The following ANKRD6 variants were observed in gnomAD, a reference collection of about 807,000 sequenced individuals.
ANKRD6 encodes the protein ankyrin repeat domain-containing protein 6.
In ANKRD6, 56 loss-of-function variants were observed where a neutral mutation model predicts 82.3. The observed-to-expected ratio is 0.68, with a 90% CI of 0.55 to 0.85. The LOEUF is 0.85. ANKRD6 is among the 40% of genes least tolerant of loss of function. ANKRD6 has a pLI of 0.00. For missense variants in ANKRD6, 852 were observed against 907.6 expected (o/e 0.94, Z 0.79); for synonymous variants, 347 against 352.1 (o/e 0.99, Z 0.16).
At chr6:89,619,698 C>T (rs1802515381) in intron 9 of ANKRD6, 1 of 152,190 alleles carries the variant, frequency 6.6e-6, no homozygotes, top group Non-Finnish European at 1.5e-5. Context: ...AAACAAGGAA[C>T]TTTAGGCATA....
chr6:89,596,593 A>G (rs1795975637), intron 3 of ANKRD6, among the ~76,000 whole-genome samples: 1 of 152,170 alleles, frequency 6.6e-6, no homozygotes, highest in African/African-American at 2.4e-5. Flanking sequence ...GCTATTATTG[A>G]GACATGGCCA....
At chr6:89,615,830 A>G (rs1018114561) in intron 7 of ANKRD6, among the ~76,000 whole-genome samples, 2 of 152,226 alleles carry the variant, frequency 1.3e-5, no homozygotes, top group African/African-American at 4.8e-5. Context: ...CAGCATTTGC[A>G]TTTGGAATTG....
chr6:89,436,726 C>T (rs1173959052), intron 1 of ANKRD6, among the ~76,000 whole-genome samples: 1 of 152,144 alleles, frequency 6.6e-6, no homozygotes, highest in African/African-American at 2.4e-5. Context: ...AATATTATTT[C>T]AAAATAAAGT....
chr6:89,624,740 A>G (rs762955578), intron 13 of ANKRD6, 49 bp downstream of exon 13: 23 of 1,569,494 alleles, frequency 1.5e-5, no homozygotes, highest in Non-Finnish European at 2.0e-5. Context: ...CTGGCAGAAC[A>G]TGAACTCAGG....
At chr6:89,538,666 G>T (rs948724934) in intron 1 of ANKRD6, among the ~76,000 whole-genome samples, 1 of 152,112 alleles carries the variant, frequency 6.6e-6, no homozygotes, top group South Asian at 2.1e-4. Context: ...TAAGTGGAAG[G>T]TGATCATAAA....
chr6:89,613,776 T>C lies in ANKRD6; in HGVS notation c.517-16T>C. 1 of 1,612,558 alleles carries C rather than the reference T, an allele frequency of 6.2e-7. No individual in the cohort carries two copies. ...AACTGCTCAGATTGTGCTTAGAGTT[T>C]GATTTTTGTCCGCAGGCAGGAGACA... On this transcript the variant is annotated splice_polypyrimidine_tract_variant and intron_variant, in intron 6 of 15. Coordinates refer to ENST00000339746, the MANE Select transcript of ANKRD6 (RefSeq NM_001242809.2).
chr6:89,506,553 G>A lies in ANKRD6; in HGVS notation c.-143-60281G>A, dbSNP rs149908983. ...TGCTCTTGAACTCCTGACGTCAAGC[G>A]ATCCGCCCTCCTTGGCCTCCCAAAG... On this transcript the variant is annotated intron_variant, in intron 1 of 15. Coordinates refer to ENST00000339746, the MANE Select transcript of ANKRD6 (RefSeq NM_001242809.2). 1.9e-4 allele frequency among the ~76,000 whole-genome samples: 29 copies of A among 152,254 alleles called. No homozygotes were observed. In the East Asian group the frequency reaches 2.9e-3, roughly 15 times the overall value.
At chr6:89,595,290 G>A (rs1429678004) in intron 2 of ANKRD6, among the ~76,000 whole-genome samples, 5 of 152,156 alleles carry the variant, frequency 3.3e-5, no homozygotes, top group African/African-American at 7.2e-5. Context: ...TTGAGCCTGG[G>A]TTAGCCTGGC....
chr6:89,433,896 C>T lies in ANKRD6; in HGVS notation c.-144+521C>T, dbSNP rs1479980356. ...GCGAAGCCTCAGCAAGTGGCATCTC[C>T]CGGGGTCCAGAGAGTCGGCGTGCTG... On this transcript the variant is annotated intron_variant, in intron 1 of 15. Transcript: ENST00000339746. This position sits in a 1 kb window ranked among gnomAD's most constrained non-coding sequence, Gnocchi z 4.3. Among the ~76,000 whole-genome samples the T allele has an allele frequency of 6.6e-6, 1 of 152,242 alleles. No individual in the cohort carries two copies. Among genetic ancestry groups the T allele is most frequent in the African/African-American group, 2.4e-5 (1 of 41,470 alleles).
chr6:89,511,884 A>G (rs1780589136), intron 1 of ANKRD6, among the ~76,000 whole-genome samples: 1 of 152,216 alleles, frequency 6.6e-6, no homozygotes, highest in Admixed American at 6.5e-5. Context: ...GTGAATAGAG[A>G]AATGTGGCCA....
rs1489306305 is a variant in ANKRD6, at chr6:89,624,745, C to T, written c.1371+54C>T. 3 of 1,558,952 alleles carry T rather than the reference C, an allele frequency of 1.9e-6. No individual in the cohort carries two copies. In the African/African-American group the frequency reaches 4.1e-5, roughly 21 times the overall value. On this transcript the variant is annotated intron_variant, in intron 13 of 15. Coordinates refer to ENST00000339746, the MANE Select transcript of ANKRD6 (RefSeq NM_001242809.2). The stretch of plus-strand genomic sequence containing the variant: ...GCAAGGTGTTCTGGCAGAACATGAA[C>T]TCAGGAACCAACTTCGACTTTAGCA...
intron 7 of ANKRD6, among the ~76,000 whole-genome samples, chr6:89,615,440 G>A (rs1801320356): frequency 6.6e-6 from 1 of 152,176 alleles, no homozygotes; most frequent in Admixed American, 6.5e-5. Context: ...CCACCAACCA[G>A]TGCCTTTCAA....
chr6:89,612,693 A>G (rs539104577), intron 6 of ANKRD6, among the ~76,000 whole-genome samples: 3 of 152,340 alleles, frequency 2.0e-5, no homozygotes, highest in Non-Finnish European at 2.9e-5. Context: ...GTCTCTACCC[A>G]CATAGAGTGT....
rs140265551 is a variant in ANKRD6 at position 89,456,722 on chromosome 6, T to C, written c.-144+23347T>C. Among the ~76,000 whole-genome samples, 1,061 of 152,346 alleles carry C rather than the reference T, an allele frequency of 7.0e-3. 4 individuals carry two copies. The highest frequency in any genetic ancestry group is 0.012 in the Non-Finnish European group (814 of 68,032). On this transcript the variant is annotated intron_variant, in intron 1 of 15. Transcript: ENST00000339746. ...ATAGCTAGGCTGTTTACCACTAGTC[T>C]CATAAAACATAAATTATGGCCACAG...
At chr6:89,586,066 A>G (rs1414894053) in intron 2 of ANKRD6, among the ~76,000 whole-genome samples, 1 of 152,236 alleles carries the variant, frequency 6.6e-6, no homozygotes, top group Non-Finnish European at 1.5e-5. Context: ...AAACAGATCA[A>G]TAAGAACAAG....
chr6:89,526,580 A>G (rs934115932), intron 1 of ANKRD6, among the ~76,000 whole-genome samples: 4 of 152,154 alleles, frequency 2.6e-5, no homozygotes, highest in Admixed American at 2.0e-4. Context: ...CCATTTCCTG[A>G]TGGGTATGGG....
intron 2 of ANKRD6, among the ~76,000 whole-genome samples, chr6:89,592,733 A>G (rs1795143778): frequency 6.6e-6 from 1 of 152,148 alleles, no homozygotes; most frequent in Non-Finnish European, 1.5e-5. Flanking sequence ...TGGTCAGAGT[A>G]TCAGGAGGTA....
intron 1 of ANKRD6, among the ~76,000 whole-genome samples, chr6:89,479,476 A>G (rs1475164429): frequency 2.0e-5 from 3 of 152,086 alleles, no homozygotes. Flanking sequence ...ATCTTCTTTT[A>G]TTGGATAGCA....
At chr6:89,538,922 CAG>C (rs1313825062) in intron 1 of ANKRD6, among the ~76,000 whole-genome samples, 1 of 151,958 alleles carries the variant, frequency 6.6e-6, no homozygotes, top group African/African-American at 2.4e-5. Context: ...CTTGAAAGAA[CAG>C]AGTTTCAACA....
Sources: allele counts gnomAD v4.1 joint callset (sites outside exome capture counted in the v4.1 genomes callset), GRCh38; gene constraint gnomAD v4.1.1; non-coding constraint Gnocchi (gnomAD v3.1); transcripts MANE v1.5; gene names NCBI Gene and HGNC (gene_info 2026-07-23, HGNC 2026-07-21).